Variants in MXRA7 observed in about 807,000 individuals in gnomAD.
MXRA7 encodes the protein matrix-remodeling-associated protein 7.
A neutral mutation model predicts 17.4 loss-of-function variants in MXRA7; 18 were observed. That is an observed-to-expected ratio of 1.03 (90% CI 0.71 to 1.53). MXRA7 has a LOEUF of 1.53. Among genes scored for constraint, MXRA7 ranks in the 40% most tolerant of loss-of-function variants. MXRA7 has a pLI of 0.00. For synonymous variants in MXRA7, 70 were observed against 101.7 expected, an observed-to-expected ratio of 0.69 and a Z score of 1.87; for missense variants, 141 against 209.3, an observed-to-expected ratio of 0.67 and a Z score of 2.01.
At position 76,701,357 on chromosome 17, in the gene MXRA7, C is replaced by CGG. The variant is rs145042238; in HGVS notation, c.342+9246_342+9247dup. 1.9e-4 allele frequency among the ~76,000 whole-genome samples: 29 copies of CGG among 150,960 alleles called. No individual in the cohort carries two copies. The South Asian group carries it at 5.7e-3, about 30-fold the overall frequency. Reference sequence around the variant, plus strand: ...GCTTTTGGTCTGAGCAGCTGAGCGTCGGGGGGGTGGATCCGGGATGAGATG... The same window carrying CGG: ...GCTTTTGGTCTGAGCAGCTGAGCGTCGGGGGGGGGTGGATCCGGGATGAGATG... On this transcript the variant is annotated intron_variant, in intron 1 of 3. Transcript: ENST00000449428.
At chr17:76,676,117 G>C (rs1395830075), downstream of MXRA7, 3 of 152,184 alleles carry the variant, frequency 2.0e-5, no homozygotes, top group Middle Eastern at 3.2e-3. Context: ...CACTCACAAA[G>C]ACAGAACAAT....
intron 1 of MXRA7, among the ~76,000 whole-genome samples, chr17:76,696,112 GA>G (rs1371374432): frequency 1.3e-5 from 2 of 152,182 alleles, no homozygotes; most frequent in East Asian, 3.9e-4. Context: ...AAAAAAGAAA[GA>G]AAGAAACAGT....
intron 2 of MXRA7, 56 bp from the exon 3 acceptor site, chr17:76,685,221 A>G (rs2076375295): frequency 3.0e-6 from 4 of 1,316,794 alleles, no homozygotes; most frequent in Non-Finnish European, 4.4e-6. Context: ...GGCCCCACAA[A>G]CCCCGGCCCC....
At chr17:76,674,365 C>T (rs944877343) in exon 4 of MXRA7, 1 of 152,156 alleles carries the variant, frequency 6.6e-6, no homozygotes, top group Non-Finnish European at 1.5e-5. Context: ...CTGATGAGAA[C>T]AATCTCAGAT....
intron 1 of MXRA7, among the ~76,000 whole-genome samples, chr17:76,707,452 C>T (rs578172205): frequency 5.3e-5 from 8 of 152,110 alleles, no homozygotes; most frequent in African/African-American, 1.4e-4. Flanking sequence ...ATGACGTGCA[C>T]GCCACCATGC....
chr17:76,677,699 A>T, downstream of MXRA7: 1 of 1,612,206 alleles, frequency 6.2e-7, no homozygotes, highest in Non-Finnish European at 8.5e-7. Flanking sequence ...GTTCCTTCTG[A>T]ACTCTGTCGA....
At chr17:76,684,608 A>T in intron 3 of MXRA7, 1 of 385,956 alleles carries the variant, frequency 2.6e-6, no homozygotes. Flanking sequence ...CGGAGCTACA[A>T]GGCGCTGCTG....
chr17:76,706,306 C>G (rs1427166151), intron 1 of MXRA7, among the ~76,000 whole-genome samples: 1 of 96,714 alleles, frequency 1.0e-5, no homozygotes, highest in Admixed American at 1.1e-4. Flanking sequence ...GTCACAGAGG[C>G]CCACGCTGCC....
At position 76,697,885 on chromosome 17, in the gene MXRA7, G is replaced by T. The variant is rs535023448; in HGVS notation, c.343-9709C>A. On this transcript the variant is annotated intron_variant, in intron 1 of 3. Coordinates refer to ENST00000449428, the MANE Select transcript of MXRA7 (RefSeq NM_198530.4). ...AAGCGTGATGCAAAGTGCTGAAGTC[G>T]GGAGAGGGAGAGAGGGGAGGGGAGA... 3.3e-5 allele frequency among the ~76,000 whole-genome samples: 5 copies of T among 152,090 alleles called. No individual in the cohort carries two copies. The East Asian group carries it at 7.7e-4, about 24-fold the overall frequency.
chr17:76,685,739 G>A (rs901313775), intron 2 of MXRA7, among the ~76,000 whole-genome samples: 5 of 152,234 alleles, frequency 3.3e-5, no homozygotes, highest in East Asian at 3.8e-4. Context: ...TGCAAAAAAC[G>A]GACAGATCTC....
At chr17:76,696,831 G>A (rs1338573144) in intron 1 of MXRA7, among the ~76,000 whole-genome samples, 7 of 152,218 alleles carry the variant, frequency 4.6e-5, no homozygotes, top group Non-Finnish European at 8.8e-5. Flanking sequence ...CCCACCATCA[G>A]GCAGCTGTGC....
Position 76,685,087 on chromosome 17 carries a change from A to G in MXRA7, c.485T>C (p.Leu162Pro). The change falls in exon 3 of 4, where the codon CTG becomes CCG. Residue 162 changes from leucine (L) to proline (P), a missense_variant. Physicochemically the swap from Leu to Pro is moderately conservative, Grantham distance 98 (BLOSUM62 -3). Transcript: ENST00000449428. Reference sequence around the variant, plus strand: ...TGCAGCCTACCTCTGCTCCTCCTCCAGCTCCTCTTTGGTCATCATCTTCTT... The same window carrying G: ...TGCAGCCTACCTCTGCTCCTCCTCCGGCTCCTCTTTGGTCATCATCTTCTT... ...QYKKMMTKEE[L>P]EEEQRTEE is the part of the protein sequence containing the mutation. 1 of 1,613,756 alleles carries G rather than the reference A, an allele frequency of 6.2e-7. No homozygotes were observed. Among genetic ancestry groups the G allele is most frequent in the Non-Finnish European group, 8.5e-7 (1 of 1,179,882 alleles).
At position 76,681,308 on chromosome 17, in the gene MXRA7, G is replaced by A. The variant is rs74401523; in HGVS notation, c.501-429C>T. Among the ~76,000 whole-genome samples the A allele has an allele frequency of 9.6e-3, 1,466 of 152,206 alleles. 29 individuals are homozygous for A. The highest frequency in any genetic ancestry group is 0.033 in the African/African-American group (1,363 of 41,520). ...GGGATACTGGCACCCTAGGATGCAC[G>A]CTTCCAGATGGAGCCAACTGCATGC... is the stretch of plus-strand genomic sequence containing the variant. On this transcript the variant is annotated intron_variant, in intron 3 of 3. Coordinates refer to ENST00000449428, the MANE Select transcript of MXRA7 (RefSeq NM_198530.4). The surrounding 1 kb of genome is among the most constrained non-coding windows in gnomAD (Gnocchi z 4.7).
At chr17:76,683,816 C>T in intron 3 of MXRA7, 1 of 1,559,666 alleles carries the variant, frequency 6.4e-7, no homozygotes, top group East Asian at 2.2e-5. Flanking sequence ...AGAAGGGGAG[C>T]ACCACTAGTC....
chr17:76,677,985 G>T (rs2076255112), downstream of MXRA7, among the ~76,000 whole-genome samples: 1 of 152,166 alleles, frequency 6.6e-6, no homozygotes, highest in African/African-American at 2.4e-5. Context: ...CTGTGCCTCA[G>T]TTTCCCTTTG....
At chr17:76,678,609 C>T (rs891126400), downstream of MXRA7, among the ~76,000 whole-genome samples, 1 of 152,212 alleles carries the variant, frequency 6.6e-6, no homozygotes, top group Admixed American at 6.5e-5. Context: ...ACCACGGGCT[C>T]AGTGCCTTCA....
At chr17:76,706,798 T>A (rs2076666994) in intron 1 of MXRA7, among the ~76,000 whole-genome samples, 1 of 152,250 alleles carries the variant, frequency 6.6e-6, no homozygotes, top group Admixed American at 6.5e-5. Flanking sequence ...GCTTCTTTGT[T>A]CCAACATTCT....
intron 1 of MXRA7, among the ~76,000 whole-genome samples, chr17:76,698,420 G>A (rs528736037): frequency 6.6e-6 from 1 of 152,276 alleles, no homozygotes; most frequent in African/African-American, 2.4e-5. Flanking sequence ...GTGGTGGGCA[G>A]GGAGGGCAGG....
intron 1 of MXRA7, among the ~76,000 whole-genome samples, chr17:76,692,799 A>C (rs2076491311): frequency 6.6e-6 from 1 of 152,176 alleles, no homozygotes. Context: ...TACCCCCTCT[A>C]GTGCTATACA....
Sources: gnomAD v4.1 joint callset for allele counts (sites outside exome capture counted in the v4.1 genomes callset) on GRCh38, gnomAD v4.1.1 for gene constraint, Gnocchi (gnomAD v3.1) non-coding constraint, MANE v1.5 for transcripts, NCBI Gene and HGNC (gene_info 2026-07-23, HGNC 2026-07-21) for gene names.